Variants in SLC26A11 observed in about 807,000 individuals in gnomAD.
SLC26A11 encodes the protein sodium-independent sulfate anion transporter.
A neutral mutation model predicts 62.2 loss-of-function variants in SLC26A11; 58 were observed. The ratio of observed to expected loss-of-function variants is 0.93; its 90% CI spans 0.76 to 1.16. The LOEUF (loss-of-function observed/expected upper bound fraction) is 1.16. Ranked by LOEUF, SLC26A11 falls within the 50% of genes most tolerant of loss-of-function variation. The pLI is 0.00. For synonymous variants in SLC26A11, 411 were observed against 368.9 expected (o/e 1.11, Z -1.31); for missense variants, 790 against 794.3 (o/e 0.99, Z 0.06).
Position 80,250,162 on chromosome 17 carries a change from C to T in SLC26A11, c.1656+875C>T, listed in dbSNP as rs150646703. Among the ~76,000 whole-genome samples the T allele has an allele frequency of 3.9e-5, 6 of 152,222 alleles. No individual in the cohort carries two copies. The East Asian group carries it at 9.6e-4, about 24-fold the overall frequency. On this transcript the variant is annotated intron_variant, in intron 16 of 17. Coordinates refer to ENST00000361193, the MANE Select transcript of SLC26A11 (RefSeq NM_001166347.2). ...GTCTCTGTTGCTGTGGTTAAATGTGCGCTCTCTGCCAAGTCCTAGATGGCA... is the reference window on the plus strand; with the variant it reads ...GTCTCTGTTGCTGTGGTTAAATGTGTGCTCTCTGCCAAGTCCTAGATGGCA...
At position 80,222,980 on chromosome 17, in the gene SLC26A11, T is replaced by TG; in HGVS notation, c.427+136dup. ...ATGTATGTGTGTGTGTGTAGGTGGG[T>TG]GGGTGGTGGAGGGGGTGGGGCACTT... On this transcript the variant is annotated intron_variant, in intron 4 of 17. Coordinates refer to ENST00000361193, the MANE Select transcript of SLC26A11 (RefSeq NM_001166347.2). This position sits in a 1 kb window ranked among gnomAD's most constrained non-coding sequence, Gnocchi z 4.7. The TG allele has an allele frequency of 1.5e-6, 1 of 646,564 alleles. No homozygotes were observed. 40.1% of individuals were successfully genotyped at this position (646,564 alleles called of 1,614,324 possible).
intron 10 of SLC26A11, among the ~76,000 whole-genome samples, chr17:80,243,733 C>T (rs1214595519): frequency 6.6e-6 from 1 of 152,222 alleles, no homozygotes; most frequent in Non-Finnish European, 1.5e-5. Flanking sequence ...CAGATCTATT[C>T]TGACAGCACC....
chr17:80,247,298 C>G (rs111819929), intron 13 of SLC26A11, among the ~76,000 whole-genome samples: 131 of 152,184 alleles, frequency 8.6e-4, no homozygotes, highest in African/African-American at 2.9e-3. Flanking sequence ...CACCTTTCCC[C>G]CCTTTCTATT....
intron 16 of SLC26A11, 46 bp downstream of exon 16, chr17:80,249,333 G>T (rs1203013070): frequency 6.3e-7 from 1 of 1,596,466 alleles, no homozygotes. Flanking sequence ...CTGCCGGAAG[G>T]CCTTCCTGTG....
chr17:80,247,580 T>G (rs1182767841), intron 13 of SLC26A11, among the ~76,000 whole-genome samples: 1 of 152,266 alleles, frequency 6.6e-6, no homozygotes. Flanking sequence ...ATAATTTTCT[T>G]GCATGCCCGT....
chr17:80,240,253 G>A (rs1465182660), intron 9 of SLC26A11, among the ~76,000 whole-genome samples: 2 of 152,152 alleles, frequency 1.3e-5, no homozygotes, highest in Non-Finnish European at 2.9e-5. Flanking sequence ...TGTAGTCCCA[G>A]CTCCTCGGGA....
chr17:80,240,926 C>T (rs1055647912), intron 9 of SLC26A11, among the ~76,000 whole-genome samples: 3 of 152,116 alleles, frequency 2.0e-5, no homozygotes, highest in Non-Finnish European at 4.4e-5. Context: ...ACTTAGGCAA[C>T]TTAACAAGAC....
chr17:80,244,836 C>A (rs547932542), intron 10 of SLC26A11, among the ~76,000 whole-genome samples: 1 of 152,026 alleles, frequency 6.6e-6, no homozygotes, highest in African/African-American at 2.4e-5. Flanking sequence ...ATTAGCCAGG[C>A]GTGGTAGTGT....
chr17:80,224,373 G>A (rs1174209640), intron 5 of SLC26A11, among the ~76,000 whole-genome samples: 1 of 133,066 alleles, frequency 7.5e-6, no homozygotes, highest in African/African-American at 3.2e-5. Context: ...GAGTGTGAGT[G>A]CGCGCGCGCG....
rs1201758745 is a variant in SLC26A11 at position 80,248,204 on chromosome 17, G to GC, written c.1372dup (p.Leu458ProfsTer15). 6.2e-7 allele frequency: 1 copy of GC among 1,609,472 alleles called. No individual in the cohort carries two copies. On this transcript the variant is annotated frameshift_variant, in exon 14 of 18. Transcript: ENST00000361193. LOFTEE classifies it high-confidence loss of function. ...GGTGCAGTACGGCATCCTGGCCGGG[G>GC]CCCTGGTGTCTCTGCTCATGCTCCT... is the stretch of plus-strand genomic sequence containing the variant.
Position 80,252,031 on chromosome 17 carries a change from G to A in SLC26A11, c.1730-594G>A, listed in dbSNP as rs375293035. 2.3e-4 allele frequency among the ~76,000 whole-genome samples: 35 copies of A among 152,242 alleles called. 1 individual carries two copies. Among genetic ancestry groups the A allele is most frequent in the African/African-American group, 8.2e-4 (34 of 41,558 alleles). ...CAGGGCCGGGTCAGGAGATCCAGAA[G>A]CCCCGGGACAGAAGGTACGGGAGGG... On this transcript the variant is annotated intron_variant, in intron 17 of 17. Coordinates refer to ENST00000361193, the MANE Select transcript of SLC26A11 (RefSeq NM_001166347.2). This position sits in a 1 kb window ranked among gnomAD's most constrained non-coding sequence, Gnocchi z 5.2.
intron 9 of SLC26A11, among the ~76,000 whole-genome samples, chr17:80,239,033 G>T (rs1213419562): frequency 6.6e-6 from 1 of 150,714 alleles, no homozygotes; most frequent in African/African-American, 2.4e-5. Flanking sequence ...CACTATGTTG[G>T]CCAGGCTGGT....
In SLC26A11 at chr17:80,252,750, G is replaced by A. The variant is rs767008845; in HGVS notation, c.*34G>A. 5 of 1,590,874 alleles carry A rather than the reference G, an allele frequency of 3.1e-6. No homozygotes were observed. Among genetic ancestry groups the A allele is most frequent in the African/African-American group, 1.3e-5 (1 of 74,284 alleles). On this transcript the variant is annotated 3_prime_UTR_variant, in exon 18 of 18. Coordinates refer to ENST00000361193, the MANE Select transcript of SLC26A11 (RefSeq NM_001166347.2). The surrounding 1 kb of genome is among the most constrained non-coding windows in gnomAD (Gnocchi z 5.2). ...CCCGTGGGCATCCACAGTTTGCAGG[G>A]TGTTCCGGAAGGTTCTTGTCACTGT...
At position 80,223,244 on chromosome 17, in the gene SLC26A11, C is replaced by G. The variant is rs2042274197; in HGVS notation, c.428-8C>G. ...GGACCAGCTCGATGTCCCCTCTTGG[C>G]TGGCCAGGGTTCCTGCTGGACTTCA... On this transcript the variant is annotated splice_region_variant and splice_polypyrimidine_tract_variant and intron_variant, in intron 4 of 17. Transcript: ENST00000361193. This position sits in a 1 kb window ranked among gnomAD's most constrained non-coding sequence, Gnocchi z 4.6. The G allele has an allele frequency of 1.2e-6, 2 of 1,613,792 alleles. No homozygotes were observed. The highest frequency in any genetic ancestry group is 1.7e-6 in the Non-Finnish European group (2 of 1,179,810).
In SLC26A11 at chr17:80,252,928, C is replaced by A; in HGVS notation, c.*212C>A. On this transcript the variant is annotated 3_prime_UTR_variant, in exon 18 of 18. Transcript: ENST00000361193. The surrounding 1 kb of genome is among the most constrained non-coding windows in gnomAD (Gnocchi z 5.2). ...TCCTGTGGGATGACTGGAAAATGAC[C>A]TCGCTGCTGTTCCCTGGCATGACCC... The A allele has an allele frequency of 3.9e-6, 2 of 518,258 alleles. No homozygotes were observed. The highest frequency in any genetic ancestry group is 6.9e-6 in the Non-Finnish European group (2 of 288,354). 32.1% of individuals were successfully genotyped at this position (518,258 alleles called of 1,614,324 possible).
At chr17:80,229,046 A>G (rs534343073) in intron 7 of SLC26A11, among the ~76,000 whole-genome samples, 5 of 152,360 alleles carry the variant, frequency 3.3e-5, no homozygotes, top group African/African-American at 4.8e-5. Context: ...GTCAGGAAGC[A>G]TAGGTGACTC....
intron 11 of SLC26A11, 157 bp downstream of exon 11, chr17:80,245,413 G>T: frequency 1.5e-6 from 1 of 662,118 alleles, no homozygotes; most frequent in Non-Finnish European, 2.7e-6. Flanking sequence ...GTCCTCCAGG[G>T]TGTTCTCTGT....
chr17:80,252,600 G>A lies in SLC26A11; in HGVS notation c.1730-25G>A, dbSNP rs754529654. The A allele has an allele frequency of 1.9e-6, 3 of 1,610,142 alleles. No homozygotes were observed. The Admixed American group carries it at 5.0e-5, about 27-fold the overall frequency. ...CCTCACTTCTGAGCTTTTAGTGCTT[G>A]AAACATTTATTGTATTTTCTGCAGA... is the stretch of plus-strand genomic sequence containing the variant. On this transcript the variant is annotated intron_variant, in intron 17 of 17. Transcript: ENST00000361193. This position sits in a 1 kb window ranked among gnomAD's most constrained non-coding sequence, Gnocchi z 5.2.
chr17:80,221,515 T>C lies in SLC26A11; in HGVS notation c.-13-33T>C, dbSNP rs1287777751. 2.7e-6 allele frequency: 4 copies of C among 1,459,694 alleles called. No individual in the cohort carries two copies. In the South Asian group the frequency reaches 5.2e-5, roughly 19 times the overall value. The allele number at this position is 1,459,694 out of a possible 1,614,324, so 90.4% of individuals were successfully genotyped here. The stretch of plus-strand genomic sequence containing the variant: ...GCCGGGTTCTTCAAAGGCCACGCTC[T>C]GACTGCTGGTCTGTGTCACCTGCAC... On this transcript the variant is annotated intron_variant, in intron 2 of 17. Transcript: ENST00000361193.
Sources: gnomAD v4.1 joint callset for allele counts (sites outside exome capture counted in the v4.1 genomes callset) on GRCh38, gnomAD v4.1.1 for gene constraint, Gnocchi (gnomAD v3.1) non-coding constraint, MANE v1.5 for transcripts, NCBI Gene and HGNC (gene_info 2026-07-23, HGNC 2026-07-21) for gene names.